Variants in DROSHA observed in about 807,000 individuals in gnomAD.
DROSHA encodes the protein ribonuclease 3.
DROSHA carries 56 observed loss-of-function variants against 181.9 expected under a neutral mutation model. That is an observed-to-expected ratio of 0.31 (90% confidence interval 0.25 to 0.38). DROSHA has a LOEUF of 0.38. Ranked by LOEUF, DROSHA falls within the 10% of genes least tolerant of loss-of-function variation. DROSHA has a pLI of 1.00. For synonymous variants in DROSHA, 524 were observed against 591.2 expected (o/e 0.89, Z 1.65); for missense variants, 1,218 against 1,743.5 (o/e 0.70, Z 5.37).
chr5:31,495,353 G>C lies in DROSHA; in HGVS notation c.1688C>G (p.Pro563Arg), dbSNP rs1255983736. The change falls in exon 12 of 36, where the codon CCT becomes CGT. Residue 563 changes from proline (P) to arginine (R), a missense_variant. By Grantham distance (103) the Pro-to-Arg change is moderately radical. Around this residue, in one of 8 missense-constraint regions of DROSHA, gnomAD observed 460 missense variants for 774.2 expected, o/e 0.59. Coordinates refer to ENST00000344624, the MANE Select transcript of DROSHA (RefSeq NM_001382508.1). Reference sequence around the variant, plus strand: ...AAGTCTGCCAGCATTGTTGGTCATAGGACGACAGGGCTTGATGGCCTGAGG... The same window carrying C: ...AAGTCTGCCAGCATTGTTGGTCATACGACGACAGGGCTTGATGGCCTGAGG... ...PGEEAIKPCR[P>R]MTNNAGRLFH... 1.2e-6 allele frequency: 2 copies of C among 1,613,794 alleles called. No individual in the cohort carries two copies. The highest frequency in any genetic ancestry group is 1.7e-6 in the Non-Finnish European group (2 of 1,179,804).
chr5:31,408,721 G>A, intron 33 of DROSHA: 1 of 213,538 alleles, frequency 4.7e-6, no homozygotes. Context: ...CAAGCAAGAA[G>A]ACAAATATAA....
intron 22 of DROSHA, 42 bp from the exon 23 acceptor site, chr5:31,448,649 G>A: frequency 6.8e-7 from 1 of 1,479,470 alleles, no homozygotes; most frequent in Non-Finnish European, 9.4e-7. Flanking sequence ...AATACGGATA[G>A]AAGAATTATA....
At chr5:31,418,262 G>T (rs1241473506) in intron 30 of DROSHA, among the ~76,000 whole-genome samples, 1 of 149,076 alleles carries the variant, frequency 6.7e-6, no homozygotes, top group Non-Finnish European at 1.5e-5. Context: ...AGAGAGAGAG[G>T]GAGACAGAGA....
In DROSHA at chr5:31,485,080, T is replaced by C. The variant is rs74524763; in HGVS notation, c.1915-118A>G. The C allele has an allele frequency of 5.2e-3, 3,426 of 663,652 alleles. 145 individuals are homozygous for C. The East Asian group carries it at 0.08, about 16-fold the overall frequency. The allele number at this position is 663,652 out of a possible 1,614,324, so 41.1% of individuals were successfully genotyped here. On this transcript the variant is annotated intron_variant, in intron 14 of 35. Transcript: ENST00000344624. The stretch of plus-strand genomic sequence containing the variant: ...GTCTGTTAAAACTATACTAAGACCA[T>C]ATAGTTTCCTGAAGAGTTTGGCCAC...
chr5:31,468,067 G>C lies in DROSHA; in HGVS notation c.2242-4C>G. ...CGATACGGACAGAGCTTGGTTTCTA[G>C]AGAGAAAAATCAAAGCCATTTATTC... On this transcript the variant is annotated splice_polypyrimidine_tract_variant and splice_region_variant and intron_variant, in intron 17 of 35. Coordinates refer to ENST00000344624, the MANE Select transcript of DROSHA (RefSeq NM_001382508.1). 1 of 1,608,162 alleles carries C rather than the reference G, an allele frequency of 6.2e-7. No individual in the cohort carries two copies. The highest frequency in any genetic ancestry group is 1.1e-5 in the South Asian group (1 of 89,744).
At chr5:31,488,370 G>T (rs1752025905) in intron 13 of DROSHA, among the ~76,000 whole-genome samples, 1 of 140,830 alleles carries the variant, frequency 7.1e-6, no homozygotes, top group Non-Finnish European at 1.5e-5. Flanking sequence ...CCAAGATCAT[G>T]CCACTTCACT....
intron 3 of DROSHA, 127 bp from the exon 4 acceptor site, chr5:31,529,232 T>G (rs1740938354): frequency 1.3e-6 from 1 of 751,382 alleles, no homozygotes; most frequent in South Asian, 1.9e-5. Context: ...CAAACAAAAT[T>G]AAAAGCATGT....
At chr5:31,511,766 A>T (rs949560781) in intron 8 of DROSHA, among the ~76,000 whole-genome samples, 18 of 151,962 alleles carry the variant, frequency 1.2e-4, no homozygotes, top group Admixed American at 2.6e-4. Flanking sequence ...GACATTTTTT[A>T]AAAAATCATG....
In DROSHA at chr5:31,450,876, C is replaced by T. The variant is rs541291583; in HGVS notation, c.2682+657G>A. Among the ~76,000 whole-genome samples, 8 of 152,242 alleles carry T rather than the reference C, an allele frequency of 5.3e-5. No homozygotes were observed. In the South Asian group the frequency reaches 1.0e-3, roughly 20 times the overall value. ...AAAAAACGAATTTCCAGATCTCTGA[C>T]GCAAGCCCTCTTCTGCAAACAAACA... is the stretch of plus-strand genomic sequence containing the variant. On this transcript the variant is annotated intron_variant, in intron 21 of 35. Coordinates refer to ENST00000344624, the MANE Select transcript of DROSHA (RefSeq NM_001382508.1).
At chr5:31,424,564 T>A (rs1038160180) in intron 27 of DROSHA, 93 bp from the exon 28 acceptor site, 3 of 1,429,532 alleles carry the variant, frequency 2.1e-6, no homozygotes, top group African/African-American at 2.9e-5. Context: ...AATACGGAAC[T>A]ATTTCAGACA....
chr5:31,424,542 G>A, intron 27 of DROSHA, 71 bp from the exon 28 acceptor site: 2 of 1,482,484 alleles, frequency 1.3e-6, no homozygotes, highest in Non-Finnish European at 1.8e-6. Flanking sequence ...TAAATAAAAT[G>A]TCATTATTTG....
At chr5:31,441,096 A>G (rs1470812475) in intron 23 of DROSHA, among the ~76,000 whole-genome samples, 1 of 151,862 alleles carries the variant, frequency 6.6e-6, no homozygotes, top group African/African-American at 2.4e-5. Flanking sequence ...CTAGCTGACA[A>G]ATTCATAATC....
At position 31,428,593 on chromosome 5, in the gene DROSHA, T is replaced by C. The variant is rs371961248; in HGVS notation, c.3216+882A>G. Reference sequence around the variant, plus strand: ...AGAAAAACAAATACAAAAATCAAATTCTCAGATATGAACATTGTCCAGGTC... The same window carrying C: ...AGAAAAACAAATACAAAAATCAAATCCTCAGATATGAACATTGTCCAGGTC... On this transcript the variant is annotated intron_variant, in intron 27 of 35. Coordinates refer to ENST00000344624, the MANE Select transcript of DROSHA (RefSeq NM_001382508.1). 3.9e-5 allele frequency among the ~76,000 whole-genome samples: 6 copies of C among 152,074 alleles called. No individual in the cohort carries two copies. In the East Asian group the frequency reaches 7.7e-4, roughly 20 times the overall value.
chr5:31,419,936 G>C (rs1188879517), intron 30 of DROSHA, among the ~76,000 whole-genome samples: 1 of 151,476 alleles, frequency 6.6e-6, no homozygotes, highest in Non-Finnish European at 1.5e-5. Flanking sequence ...ACACTTTCTT[G>C]TCCACCTAAA....
chr5:31,522,829 A>G (rs918235615), intron 5 of DROSHA, among the ~76,000 whole-genome samples: 1 of 152,228 alleles, frequency 6.6e-6, no homozygotes, highest in Non-Finnish European at 1.5e-5. Context: ...ATCTGCCTGT[A>G]GCAATTTCTT....
At chr5:31,421,404 A>G in intron 29 of DROSHA, 27 bp from the exon 30 acceptor site, 1 of 1,559,172 alleles carries the variant, frequency 6.4e-7, no homozygotes, top group Non-Finnish European at 8.8e-7. Context: ...CAAAGTAAAG[A>G]AATCAATAAC....
intron 11 of DROSHA, among the ~76,000 whole-genome samples, chr5:31,495,586 G>A (rs911586305): frequency 2.6e-5 from 4 of 152,190 alleles, no homozygotes; most frequent in African/African-American, 9.7e-5. Context: ...CTCAGGTGCT[G>A]GTGAAGCAAG....
At chr5:31,414,152 C>G (rs1741678079) in intron 30 of DROSHA, among the ~76,000 whole-genome samples, 1 of 152,020 alleles carries the variant, frequency 6.6e-6, no homozygotes, top group African/African-American at 2.4e-5. Context: ...GAAGACTGCA[C>G]TTTCCTGTAG....
intron 17 of DROSHA, among the ~76,000 whole-genome samples, chr5:31,471,109 T>C (rs1444633084): frequency 6.6e-6 from 1 of 152,240 alleles, no homozygotes; most frequent in Non-Finnish European, 1.5e-5. Context: ...CTTTCTGGAT[T>C]TGTTTAAAAG....
Sources: allele counts gnomAD v4.1 joint callset (sites outside exome capture counted in the v4.1 genomes callset), GRCh38; gene constraint gnomAD v4.1.1; regional missense constraint gnomAD v4.1.1; transcripts MANE v1.5; gene names NCBI Gene and HGNC (gene_info 2026-07-23, HGNC 2026-07-21).